DHRS7B: variants seen among roughly 807,000 people sequenced by gnomAD.
The protein encoded by DHRS7B is peroxisomal reductase activating PPAR-gamma.
A neutral mutation model predicts 26.4 loss-of-function variants in DHRS7B; 24 were observed. The observed-to-expected ratio is 0.91, with a 90% CI of 0.66 to 1.28. DHRS7B has a LOEUF of 1.28. Ranked by LOEUF, DHRS7B falls within the 50% of genes most tolerant of loss-of-function variation. The pLI is 0.00. For synonymous variants in DHRS7B, 142 were observed against 166.4 expected (o/e 0.85, Z 1.13); for missense variants, 368 against 419.4 (o/e 0.88, Z 1.07).
chr17:21,165,348 T>C (rs1422473563), intron 1 of DHRS7B, among the ~76,000 whole-genome samples: 1 of 152,092 alleles, frequency 6.6e-6, no homozygotes, highest in African/African-American at 2.4e-5. Flanking sequence ...TCACTTTTTT[T>C]TTCTTTTTTT....
chr17:21,161,177 T>C (rs1317567206), intron 1 of DHRS7B, among the ~76,000 whole-genome samples: 2 of 152,094 alleles, frequency 1.3e-5, no homozygotes, highest in Non-Finnish European at 2.9e-5. Flanking sequence ...GCACTGAGAG[T>C]GGGCACTAAT....
chr17:21,184,280 C>G (rs1974579303), intron 4 of DHRS7B, 91 bp from the exon 5 acceptor site: 1 of 1,161,392 alleles, frequency 8.6e-7, no homozygotes, highest in African/African-American at 1.5e-5. Context: ...CTCATTCTGA[C>G]TAAATATCAA....
chr17:21,149,726 A>G (rs1166610141), intron 1 of DHRS7B, among the ~76,000 whole-genome samples: 2 of 151,934 alleles, frequency 1.3e-5, no homozygotes, highest in African/African-American at 4.8e-5. Flanking sequence ...CATCTGTGAG[A>G]TATTTTTTTG....
At chr17:21,145,302 C>T (rs1177105776) in intron 1 of DHRS7B, among the ~76,000 whole-genome samples, 2 of 150,944 alleles carry the variant, frequency 1.3e-5, no homozygotes, top group Non-Finnish European at 2.9e-5. Context: ...CCAGCCTGGG[C>T]GACAGAGCGA....
intron 1 of DHRS7B, among the ~76,000 whole-genome samples, chr17:21,140,208 A>G (rs2143912461): frequency 6.6e-6 from 1 of 151,534 alleles, no homozygotes; most frequent in South Asian, 2.1e-4. Context: ...TATATTTAGT[A>G]AGATGGGGTT....
chr17:21,135,968 C>T (rs1742396632), intron 1 of DHRS7B, among the ~76,000 whole-genome samples: 1 of 152,108 alleles, frequency 6.6e-6, no homozygotes, highest in Non-Finnish European at 1.5e-5. Context: ...TCTATGGGGC[C>T]TGAAGACAAG....
chr17:21,181,277 G>C (rs1445818237), intron 3 of DHRS7B, among the ~76,000 whole-genome samples: 6 of 152,148 alleles, frequency 3.9e-5, no homozygotes, highest in African/African-American at 1.4e-4. Context: ...GTAGGGACAG[G>C]GTCCTGCTAT....
At chr17:21,131,381 T>C (rs1329198632) in intron 1 of DHRS7B, among the ~76,000 whole-genome samples, 1 of 152,224 alleles carries the variant, frequency 6.6e-6, no homozygotes, top group Non-Finnish European at 1.5e-5. Context: ...GGGTAACTTC[T>C]TGACATTGCC....
chr17:21,186,963 G>A (rs1241182802), intron 5 of DHRS7B, among the ~76,000 whole-genome samples: 1 of 152,106 alleles, frequency 6.6e-6, no homozygotes, highest in African/African-American at 2.4e-5. Context: ...AACTCACTGG[G>A]GAGGACTAGG....
intron 1 of DHRS7B, among the ~76,000 whole-genome samples, chr17:21,154,673 G>C (rs899887770): frequency 5.9e-5 from 9 of 152,076 alleles, no homozygotes; most frequent in African/African-American, 2.2e-4. Context: ...TGACCTAACA[G>C]ATAAAAGTTT....
intron 5 of DHRS7B, among the ~76,000 whole-genome samples, chr17:21,185,697 T>G (rs964026895): frequency 1.3e-5 from 2 of 152,202 alleles, no homozygotes; most frequent in African/African-American, 2.4e-5. Flanking sequence ...AGAGGTTTTT[T>G]TTTTTTGGAA....
At chr17:21,159,889 T>C (rs1443824269) in intron 1 of DHRS7B, among the ~76,000 whole-genome samples, 1 of 134,870 alleles carries the variant, frequency 7.4e-6, no homozygotes. Context: ...AAAAAAGGAC[T>C]ATTGTCTAAA....
intron 5 of DHRS7B, among the ~76,000 whole-genome samples, chr17:21,186,243 G>A (rs995093301): frequency 2.0e-5 from 3 of 152,224 alleles, no homozygotes; most frequent in African/African-American, 7.2e-5. Context: ...ACCAAGTCAC[G>A]TGGTCCACAG....
chr17:21,153,014 G>A (rs1458202218), intron 1 of DHRS7B, among the ~76,000 whole-genome samples: 1 of 151,960 alleles, frequency 6.6e-6, no homozygotes, highest in Non-Finnish European at 1.5e-5. Context: ...AAAATTACAA[G>A]TCATACTAAA....
At position 21,154,012 on chromosome 17, in the gene DHRS7B, A is replaced by G. The variant is rs535741408; in HGVS notation, c.21-18006A>G. On this transcript the variant is annotated intron_variant, in intron 1 of 6. Transcript: ENST00000395511. Reference sequence around the variant, plus strand: ...ATGCTACCTATAGAGGAGGAGAGATAAGAATTACATCTAGGTTGGGCATGG... The same window carrying G: ...ATGCTACCTATAGAGGAGGAGAGATGAGAATTACATCTAGGTTGGGCATGG... Among the ~76,000 whole-genome samples the G allele has an allele frequency of 2.9e-4, 44 of 152,302 alleles. 4 individuals are homozygous for G. In the South Asian group the frequency reaches 9.1e-3, roughly 32 times the overall value.
chr17:21,138,297 A>G (rs1319371596), intron 1 of DHRS7B, among the ~76,000 whole-genome samples: 1 of 136,780 alleles, frequency 7.3e-6, no homozygotes, highest in African/African-American at 2.8e-5. Flanking sequence ...GCTCACTGCA[A>G]GCTCCAAGCT....
At chr17:21,177,398 A>G (rs1392551773) in intron 2 of DHRS7B, among the ~76,000 whole-genome samples, 1 of 152,090 alleles carries the variant, frequency 6.6e-6, no homozygotes, top group Non-Finnish European at 1.5e-5. Flanking sequence ...GTTTCTTGCC[A>G]CCAAAAGAAT....
intron 5 of DHRS7B, among the ~76,000 whole-genome samples, chr17:21,187,094 GATAT>G (rs147554727): frequency 3.4e-4 from 49 of 143,134 alleles, no homozygotes; most frequent in African/African-American, 1.1e-3. Flanking sequence ...TGTATTAAAA[GATAT>G]ATATATATAT....
chr17:21,175,701 G>A (rs748090768), intron 2 of DHRS7B, among the ~76,000 whole-genome samples: 33 of 152,242 alleles, frequency 2.2e-4, no homozygotes, highest in Non-Finnish European at 3.7e-4. Flanking sequence ...ACTTTTGGAG[G>A]CCCAGGCAGG....
Sources: allele counts gnomAD v4.1 joint callset (sites outside exome capture counted in the v4.1 genomes callset), GRCh38; gene constraint gnomAD v4.1.1; transcripts MANE v1.5; gene names NCBI Gene and HGNC (gene_info 2026-07-23, HGNC 2026-07-21).